Variants in PALMD observed in about 807,000 individuals in gnomAD.
The protein encoded by PALMD is paralemmin-like protein.
Under a neutral mutation model 56.2 loss-of-function variants are expected in PALMD, and 42 were observed. That is an observed-to-expected ratio of 0.75 (90% CI 0.58 to 0.97). The LOEUF (loss-of-function observed/expected upper bound fraction) is 0.97, where lower values mean the gene tolerates loss of function less well. Among genes scored for constraint, PALMD ranks in the 50% least tolerant of loss-of-function variants. The pLI, the probability that PALMD is intolerant of heterozygous loss-of-function variation, is 0.00. For synonymous variants in PALMD, 242 were observed against 222.9 expected, an observed-to-expected ratio of 1.09 and a Z score of -0.76; for missense variants, 660 against 643.8, an observed-to-expected ratio of 1.03 and a Z score of -0.27.
rs1653506937 is a variant in PALMD at position 99,686,750 on chromosome 1, A to C, written c.326A>C (p.Lys109Thr). ...ACGAAGGAAGAGGCCATTTTAAAGAAACTAAAGTCAATTGAGCGGACAACA... is the reference window on the plus strand; with the variant it reads ...ACGAAGGAAGAGGCCATTTTAAAGACACTAAAGTCAATTGAGCGGACAACA... ...ISTKEEAILK[K>T]LKSIERTTED... The change falls in exon 4 of 8, where the codon AAA becomes ACA. Residue 109 changes from lysine (K) to threonine (T), a missense_variant. By Grantham distance (78) the Lys-to-Thr change is moderately conservative (BLOSUM62 -1). Transcript: ENST00000263174. 1.2e-6 allele frequency: 2 copies of C among 1,606,682 alleles called. No homozygotes were observed. Among genetic ancestry groups the C allele is most frequent in the African/African-American group, 1.3e-5 (1 of 74,698 alleles).
intron 3 of PALMD, chr1:99,683,710 C>T (rs1454318896): frequency 6.6e-6 from 1 of 152,270 alleles, no homozygotes; most frequent in African/African-American, 2.4e-5. Flanking sequence ...TAACTGTTTA[C>T]ATTTCAAGTC....
At chr1:99,652,689 GGAAAGGAAAA>G (rs1187895213) in intron 1 of PALMD, among the ~76,000 whole-genome samples, 171 of 56,480 alleles carry the variant, frequency 3.0e-3, no homozygotes, top group Admixed American at 6.8e-3. Flanking sequence ...GGAAAGGAAA[GGAAAGGAAAA>G]GAAAAGAAAA....
chr1:99,687,987 A>G (rs1327123428), intron 6 of PALMD, among the ~76,000 whole-genome samples: 1 of 152,162 alleles, frequency 6.6e-6, no homozygotes, highest in Non-Finnish European at 1.5e-5. Flanking sequence ...GTAATTTTGC[A>G]CAGAATTCTA....
chr1:99,692,541 C>G (rs1240788801), intron 7 of PALMD, among the ~76,000 whole-genome samples: 1 of 152,170 alleles, frequency 6.6e-6, no homozygotes, highest in Non-Finnish European at 1.5e-5. Context: ...ACACTACCTA[C>G]TTGCCATAGG....
Position 99,689,274 on chromosome 1 carries a change from G to C in PALMD, c.1014G>C (p.Glu338Asp). 2 of 1,613,528 alleles carry C rather than the reference G, an allele frequency of 1.2e-6. No individual in the cohort carries two copies. Among genetic ancestry groups the C allele is most frequent in the Non-Finnish European group, 1.7e-6 (2 of 1,179,850 alleles). Residue 338 changes from glutamate to aspartate, a missense_variant, in exon 7 of 8, where the codon GAG becomes GAC. Physicochemically the swap from Glu to Asp is conservative, Grantham distance 45 (BLOSUM62 2). Coordinates refer to ENST00000263174, the MANE Select transcript of PALMD (RefSeq NM_017734.5). ...GATCAGTGATTCAACAAGCAGAAGA[G>C]AAGCTTCACACCCCGCAAAAAAGGC... ...HPRSVIQQAE[E>D]KLHTPQKRLM...
rs755864488 is a variant in PALMD, at chr1:99,686,778, A to G, written c.354A>G (p.Glu118=). ...KKLKSIERTT[E]DIIRSVKVER... is the part of the protein sequence containing the mutation. ...TAAAGTCAATTGAGCGGACAACAGA[A>G]GACATTATAAGAGTGAGCATTAACC... The change falls in exon 4 of 8, where the codon GAA becomes GAG. Residue 118 remains glutamate (E), a synonymous_variant. Transcript: ENST00000263174. 1 of 1,560,030 alleles carries G rather than the reference A, an allele frequency of 6.4e-7. No individual in the cohort carries two copies. The highest frequency in any genetic ancestry group is 8.8e-7 in the Non-Finnish European group (1 of 1,133,928).
intron 3 of PALMD, among the ~76,000 whole-genome samples, chr1:99,681,046 A>AAT (rs1194040492): frequency 1.3e-5 from 2 of 151,880 alleles, no homozygotes; most frequent in Non-Finnish European, 2.9e-5. Context: ...AGCTCTTGAA[A>AAT]ATAACCCTCT....
In PALMD at chr1:99,662,403, A is replaced by C. The variant is rs757537340; in HGVS notation, c.126+4A>C. 3 of 1,434,380 alleles carry C rather than the reference A, an allele frequency of 2.1e-6. No homozygotes were observed. The East Asian group carries it at 6.9e-5, about 33-fold the overall frequency. The allele number at this position is 1,434,380 out of a possible 1,614,324, so 88.9% of individuals were successfully genotyped here. A position where few individuals can be genotyped will look rare whatever the true frequency, so the allele number is the denominator to read the frequency against. ...ACTAAAGCACCAGCATTTGAAGGTA[A>C]TTTATGGCTTTAATTTCATTTCAAT... On this transcript the variant is annotated splice_donor_region_variant and intron_variant, in intron 2 of 7. Coordinates refer to ENST00000263174, the MANE Select transcript of PALMD (RefSeq NM_017734.5).
chr1:99,672,780 C>T (rs1245966897), intron 3 of PALMD, among the ~76,000 whole-genome samples: 3 of 152,046 alleles, frequency 2.0e-5, no homozygotes, highest in Admixed American at 6.6e-5. Context: ...GGTCAACTGC[C>T]GAGGAGAATG....
chr1:99,693,768 T>C (rs752654348), intron 7 of PALMD, among the ~76,000 whole-genome samples: 1 of 152,222 alleles, frequency 6.6e-6, no homozygotes, highest in Non-Finnish European at 1.5e-5. Flanking sequence ...GTTCCACTTG[T>C]ACTGTTTGCT....
intron 3 of PALMD, chr1:99,683,176 C>A (rs929983520): frequency 6.7e-6 from 1 of 148,474 alleles, no homozygotes; most frequent in Non-Finnish European, 1.5e-5. Context: ...GAAACGAACA[C>A]CCTATGAAGT....
chr1:99,688,308 G>C (rs916196639), intron 6 of PALMD, among the ~76,000 whole-genome samples: 2 of 152,092 alleles, frequency 1.3e-5, no homozygotes, highest in African/African-American at 4.8e-5. Context: ...TGTACAACAA[G>C]GATGTAACTT....
intron 1 of PALMD, among the ~76,000 whole-genome samples, chr1:99,649,123 A>G (rs1170316824): frequency 6.6e-6 from 1 of 152,218 alleles, no homozygotes; most frequent in African/African-American, 2.4e-5. Context: ...GGTATACCAA[A>G]TATAGATTCT....
chr1:99,687,014 T>G, intron 5 of PALMD, 51 bp downstream of exon 5: 1 of 1,520,390 alleles, frequency 6.6e-7, no homozygotes, highest in Non-Finnish European at 9.0e-7. Context: ...TTTTGGTAAT[T>G]TGAAATTGTT....
intron 1 of PALMD, among the ~76,000 whole-genome samples, chr1:99,647,140 T>C (rs1652459639): frequency 6.6e-6 from 1 of 152,232 alleles, no homozygotes; most frequent in Non-Finnish European, 1.5e-5. Flanking sequence ...AAACCCTGTA[T>C]TTGGCAGTAA....
intron 3 of PALMD, among the ~76,000 whole-genome samples, chr1:99,673,930 A>T (rs144674685): frequency 1.6e-4 from 24 of 152,284 alleles, no homozygotes; most frequent in African/African-American, 5.3e-4. Flanking sequence ...TTCTAAGAGG[A>T]CCAGCTAAAG....
chr1:99,647,800 A>C (rs866553412), intron 1 of PALMD, among the ~76,000 whole-genome samples: 1 of 152,216 alleles, frequency 6.6e-6, no homozygotes, highest in African/African-American at 2.4e-5. Context: ...ATTGAAATAG[A>C]CAAGTAGACC....
At chr1:99,680,789 CAT>C (rs1653323218) in intron 3 of PALMD, among the ~76,000 whole-genome samples, 2 of 151,922 alleles carry the variant, frequency 1.3e-5, no homozygotes, top group South Asian at 2.1e-4. Flanking sequence ...CATACATACA[CAT>C]ATATGTGTGT....
At chr1:99,662,627 C>A (rs1218758417) in intron 2 of PALMD, among the ~76,000 whole-genome samples, 1 of 152,176 alleles carries the variant, frequency 6.6e-6, no homozygotes, top group Non-Finnish European at 1.5e-5. Context: ...TTACTTTTAT[C>A]CTTTATAACT....
Sources: gnomAD v4.1 joint callset for allele counts (sites outside exome capture counted in the v4.1 genomes callset) on GRCh38, gnomAD v4.1.1 for gene constraint, MANE v1.5 for transcripts, NCBI Gene and HGNC (gene_info 2026-07-23, HGNC 2026-07-21) for gene names.